PIGA: variants seen among roughly 807,000 people sequenced by gnomAD.
The protein encoded by PIGA is phosphatidylinositol N-acetylglucosaminyltransferase subunit A.
PIGA carries 3 observed loss-of-function variants against 17.1 expected under a neutral mutation model. The ratio of observed to expected loss-of-function variants is 0.18; its 90% confidence interval spans 0.08 to 0.45. PIGA has a LOEUF of 0.45. Ranked by LOEUF, PIGA falls within the 20% of genes least tolerant of loss-of-function variation. PIGA has a pLI of 0.99. For synonymous variants in PIGA, 126 were observed against 135.1 expected (o/e 0.93, Z 0.47); for missense variants, 231 against 374.1 (o/e 0.62, Z 3.16).
chrX:15,326,216 G>A, intron 2 of PIGA, 170 bp from the exon 3 acceptor site: 1 of 332,013 alleles, frequency 3.0e-6, no homozygotes, highest in Non-Finnish European at 5.2e-6. Context: ...ACTGGCAGTG[G>A]TCCCCCAAGA....
At chrX:15,323,608 C>T (rs181380655) in intron 5 of PIGA, among the ~76,000 whole-genome samples, 1 of 111,902 alleles carries the variant, frequency 8.9e-6, no homozygotes, top group East Asian at 2.8e-4. Context: ...TTGACTGTCG[C>T]AAACATCTCA....
chrX:15,331,504 T>G lies in PIGA; in HGVS notation c.427A>C (p.Lys143Gln), dbSNP rs764988988. 2.1e-5 allele frequency: 25 copies of G among 1,210,562 alleles called. No individual in the cohort carries two copies. ...AMAHDALFHAKTMGLQTVFTD... is the reference protein window; with the variant it reads ...AMAHDALFHAQTMGLQTVFTD... ...AAGACTGTCTGAAGCCCCATTGTCT[T>G]GGCGTGGAAGAGAGCATCATGGGCC... Residue 143 changes from lysine (K) to glutamine (Q), a missense_variant, in exon 2 of 6, where the codon AAG becomes CAG. Coordinates refer to ENST00000333590, the MANE Select transcript of PIGA (RefSeq NM_002641.4).
chrX:15,325,781 T>C, intron 3 of PIGA, 133 bp downstream of exon 3: 1 of 433,836 alleles, frequency 2.3e-6, no homozygotes, highest in Non-Finnish European at 3.7e-6. Context: ...AGTCCTTGCA[T>C]TAGATTTATA....
rs1398004884 is a variant in PIGA, at chrX:15,321,432, A to C, written c.*74T>G. On this transcript the variant is annotated 3_prime_UTR_variant, in exon 6 of 6. Transcript: ENST00000333590. ...AACTCTAAAAAAACAAAAACCCCCC[A>C]AAAGCAAGGTTATTTTCCATAGTCT... The C allele has an allele frequency of 3.1e-6, 3 of 977,995 alleles. No homozygotes were observed. The African/African-American group carries it at 5.9e-5, about 19-fold the overall frequency. 80.6% of individuals were successfully genotyped at this position (977,995 alleles called of 1,213,427 possible). A position where few individuals can be genotyped will look rare whatever the true frequency, so the allele number is the denominator to read the frequency against.
chrX:15,332,339 TCC>T (rs1259618486), intron 1 of PIGA, among the ~76,000 whole-genome samples: 2 of 112,149 alleles, frequency 1.8e-5, no homozygotes, highest in Non-Finnish European at 3.8e-5. Context: ...TTTATATATT[TCC>T]CCTTTACTCT....
At chrX:15,335,122 CCT>C (rs769592599) in intron 1 of PIGA, among the ~76,000 whole-genome samples, 1 of 112,443 alleles carries the variant, frequency 8.9e-6, no homozygotes, top group East Asian at 2.8e-4. Context: ...TCCCTGATTC[CCT>C]GAGAGGTCGC....
chrX:15,325,646 A>G (rs1921948422), intron 3 of PIGA: 1 of 215,029 alleles, frequency 4.7e-6, no homozygotes, highest in African/African-American at 2.9e-5. Context: ...TTCCAGTTAA[A>G]GCAGCTGTTT....
At chrX:15,326,530 A>G (rs1275666907) in intron 2 of PIGA, 2 of 112,251 alleles carry the variant, frequency 1.8e-5, no homozygotes, top group African/African-American at 6.5e-5. Context: ...TCTTTCAGCT[A>G]TAAAATTCTA....
Position 15,321,027 on chromosome X carries a change from A to T in PIGA, c.*479T>A, listed in dbSNP as rs1230148557. 1 of 115,270 alleles carries T rather than the reference A, an allele frequency of 8.7e-6. No individual in the cohort carries two copies. The highest frequency in any genetic ancestry group is 2.7e-4 in the East Asian group (1 of 3,697). 9.5% of individuals were successfully genotyped at this position (115,270 alleles called of 1,213,427 possible). ...AACACCTACTGAGTGAACCTAATAA[A>T]TGTTCAAAGACATGATTTAGATTCC... On this transcript the variant is annotated 3_prime_UTR_variant, in exon 6 of 6. Coordinates refer to ENST00000333590, the MANE Select transcript of PIGA (RefSeq NM_002641.4).
intron 2 of PIGA, among the ~76,000 whole-genome samples, chrX:15,329,952 G>A (rs1192104459): frequency 9.0e-6 from 1 of 111,051 alleles, no homozygotes; most frequent in African/African-American, 3.3e-5. Flanking sequence ...GGGCTTGGTG[G>A]TGGGCGCCTG....
intron 5 of PIGA, among the ~76,000 whole-genome samples, chrX:15,322,815 G>A (rs915574063): frequency 9.0e-6 from 1 of 110,866 alleles, no homozygotes. Flanking sequence ...TATGTTTACA[G>A]CATGAACTCC....
In PIGA at chrX:15,320,533, G is replaced by C. The variant is rs1439355973; in HGVS notation, c.*973C>G. 1.8e-5 allele frequency: 2 copies of C among 112,094 alleles called. No individual in the cohort carries two copies. Among genetic ancestry groups the C allele is most frequent in the Non-Finnish European group, 3.8e-5 (2 of 53,260 alleles). The allele number at this position is 112,094 out of a possible 1,213,427, so 9.2% of individuals were successfully genotyped here. A position where few individuals can be genotyped will look rare whatever the true frequency, so the allele number is the denominator to read the frequency against. On this transcript the variant is annotated 3_prime_UTR_variant, in exon 6 of 6. Coordinates refer to ENST00000333590, the MANE Select transcript of PIGA (RefSeq NM_002641.4). ...GGAGTGACTTACATTAAAAGGACAG[G>C]GTAGCAGCTGGTTTTGGGATGGCAC...
chrX:15,328,268 T>C (rs988925461), intron 2 of PIGA: 1 of 111,857 alleles, frequency 8.9e-6, no homozygotes, highest in African/African-American at 3.3e-5. Context: ...CCTACAGTTG[T>C]TGGGAGGGTC....
At chrX:15,328,012 T>C (rs1190363123) in intron 2 of PIGA, 4 of 111,988 alleles carry the variant, frequency 3.6e-5, no homozygotes, top group Non-Finnish European at 7.5e-5. Context: ...GACTTTCGAC[T>C]GCCATGTGAA....
Position 15,321,503 on chromosome X carries a change from C to A in PIGA, c.*3G>T. ...TTTAAAATCTTACAATCTAGGCTTC[C>A]TTCTACCTGGTTTCAGATATCTCAT... is the stretch of plus-strand genomic sequence containing the variant. On this transcript the variant is annotated 3_prime_UTR_variant, in exon 6 of 6. Coordinates refer to ENST00000333590, the MANE Select transcript of PIGA (RefSeq NM_002641.4). 3 of 1,196,877 alleles carry A rather than the reference C, an allele frequency of 2.5e-6. No homozygotes were observed. The South Asian group carries it at 5.3e-5, about 21-fold the overall frequency.
In PIGA at chrX:15,321,664, C is replaced by T. The variant is rs139149663; in HGVS notation, c.1297G>A (p.Val433Ile). 4 of 1,208,632 alleles carry T rather than the reference C, an allele frequency of 3.3e-6. No individual in the cohort carries two copies. The highest frequency in any genetic ancestry group is 3.4e-6 in the Non-Finnish European group (3 of 893,905). The part of the protein sequence containing the change: ...VTGYIFALLA[V>I]FNFLFLIFLR... ...AAAATGAGGAAGAGGAAGTTGAAAA[C>T]TGCCAACAAAGCAAAGATGTAGCCT... The change falls in exon 6 of 6, where the codon GTT becomes ATT. Residue 433 changes from valine (V) to isoleucine (I), a missense_variant. Transcript: ENST00000333590.
At chrX:15,327,203 G>A in intron 2 of PIGA, 1 of 106,954 alleles carries the variant, frequency 9.3e-6, no homozygotes. Flanking sequence ...AGTTTGCAGT[G>A]AGCCGAGATT....
intron 2 of PIGA, chrX:15,328,328 T>C (rs1922048310): frequency 8.9e-6 from 1 of 112,282 alleles, no homozygotes; most frequent in Admixed American, 9.5e-5. Flanking sequence ...AGAATACAAA[T>C]GTAGGTTGTC....
chrX:15,324,631 T>C lies in PIGA; in HGVS notation c.1188+34A>G, dbSNP rs757925303. On this transcript the variant is annotated intron_variant, in intron 5 of 5. Coordinates refer to ENST00000333590, the MANE Select transcript of PIGA (RefSeq NM_002641.4). ...GTGTACGTGAAACATCAAGTAAGAG[T>C]TCAGACACAATCTTTTCTCAGCATG... 1.2e-5 allele frequency: 13 copies of C among 1,044,740 alleles called. No individual in the cohort carries two copies. The Admixed American group carries it at 2.9e-4, about 23-fold the overall frequency. The allele number at this position is 1,044,740 out of a possible 1,213,427, so 86.1% of individuals were successfully genotyped here.
Sources: allele counts gnomAD v4.1 joint callset (sites outside exome capture counted in the v4.1 genomes callset), GRCh38; gene constraint gnomAD v4.1.1; transcripts MANE v1.5; gene names NCBI Gene and HGNC (gene_info 2026-07-23, HGNC 2026-07-21).